Variants in AKR1C3 observed in about 807,000 individuals in gnomAD.
AKR1C3 encodes the protein 3-alpha hydroxysteroid dehydrogenase, type II.
In AKR1C3, 48 loss-of-function variants were observed where a neutral mutation model predicts 43.6. The ratio of observed to expected loss-of-function variants is 1.10; its 90% CI spans 0.87 to 1.40. The LOEUF is 1.40. Among genes scored for constraint, AKR1C3 ranks in the 40% most tolerant of loss-of-function variants. The pLI is 0.00. For missense variants in AKR1C3, 482 were observed against 391.2 expected, an observed-to-expected ratio of 1.23 and a Z score of -1.96; for synonymous variants, 162 against 139.6, an observed-to-expected ratio of 1.16 and a Z score of -1.13.
upstream of AKR1C3, among the ~76,000 whole-genome samples, chr10:5,092,720 A>G (rs1377180464): frequency 6.6e-6 from 1 of 151,858 alleles, no homozygotes; most frequent in Non-Finnish European, 1.5e-5. Context: ...CTATTTCCAT[A>G]TTTTTAATTG....
At chr10:5,092,305 C>T (rs1435444207), upstream of AKR1C3, among the ~76,000 whole-genome samples, 4 of 151,914 alleles carry the variant, frequency 2.6e-5, no homozygotes, top group Admixed American at 2.6e-4. Context: ...TTAAGTTACT[C>T]ACATATTTAG....
intron 1 of AKR1C3, among the ~76,000 whole-genome samples, chr10:5,095,148 G>A (rs1588353224): frequency 6.6e-6 from 1 of 151,976 alleles, no homozygotes; most frequent in Non-Finnish European, 1.5e-5. Context: ...TTTTTTGTAT[G>A]CATCATATTT....
intron 3 of AKR1C3, 31 bp from the exon 4 acceptor site, chr10:5,098,771 G>A (rs1554785528): frequency 6.3e-7 from 1 of 1,589,914 alleles, no homozygotes; most frequent in Non-Finnish European, 8.6e-7. Context: ...ATTAATTTGT[G>A]ACATCATTAA....
At chr10:5,103,027 TTACAGGTGCCTACCACC>T (rs139872147) in intron 7 of AKR1C3, among the ~76,000 whole-genome samples, 4,238 of 151,736 alleles carry the variant, frequency 0.028, 181 homozygotes, top group African/African-American at 0.094. Flanking sequence ...GTAGCTGGGA[TTACAGGTGCCTACCACC>T]AAGCCCGGCT....
chr10:5,106,753 C>CAAAAA (rs782740812), intron 8 of AKR1C3, among the ~76,000 whole-genome samples: 1,441 of 136,112 alleles, frequency 0.011, 24 homozygotes, highest in African/African-American at 0.032. Flanking sequence ...GGCTCCATCT[C>CAAAAA]AAAAAAAAAA....
chr10:5,052,096 G>A (rs1213966800), intron 1 of AKR1C3, among the ~76,000 whole-genome samples: 2 of 152,088 alleles, frequency 1.3e-5, no homozygotes, highest in Admixed American at 6.5e-5. Context: ...TCTGATGTTC[G>A]GACGTATTCG....
At chr10:5,059,836 G>A (rs1259331117) in intron 1 of AKR1C3, among the ~76,000 whole-genome samples, 4 of 152,126 alleles carry the variant, frequency 2.6e-5, no homozygotes, top group East Asian at 1.9e-4. Flanking sequence ...CTTCGTGGTC[G>A]CCAAAATGTG....
Position 5,102,488 on chromosome 10 carries a change from G to A in AKR1C3, c.684G>A (p.Val228=). Residue 228 remains valine (V), a synonymous_variant, in exon 7 of 9, where the codon GTG becomes GTA. Transcript: ENST00000380554. ...ALGSQRDKRW[V]DPNSPVLLED... is the part of the protein sequence containing the mutation. ...GCCTTTCTGCCTTTCCTTCCAGGGT[G>A]GACCCGAACTCCCCGGTGCTCTTGG... 1 of 1,540,964 alleles carries A rather than the reference G, an allele frequency of 6.5e-7. No homozygotes were observed. The highest frequency in any genetic ancestry group is 8.7e-7 in the Non-Finnish European group (1 of 1,148,252).
chr10:5,098,916 CA>C, intron 4 of AKR1C3, 37 bp downstream of exon 4: 1 of 1,514,588 alleles, frequency 6.6e-7, no homozygotes, highest in Non-Finnish European at 9.0e-7. Flanking sequence ...AGAAGGATGA[CA>C]AAAAGAGAAA....
intron 1 of AKR1C3, among the ~76,000 whole-genome samples, chr10:5,077,098 T>C (rs1838731391): frequency 6.6e-6 from 1 of 152,178 alleles, no homozygotes; most frequent in African/African-American, 2.4e-5. Flanking sequence ...AATCTTTTTT[T>C]TTCACTAAAG....
Position 5,070,923 on chromosome 10 carries a change from A to G in AKR1C3, c.84+22028A>G, listed in dbSNP as rs981554543. ...TCATGAACTAAGACAGCCTGTTAGA[A>G]GGAGGCTTAGACTTAACCAGTGTTT... is the stretch of plus-strand genomic sequence containing the variant. On this transcript the variant is annotated intron_variant, in intron 1 of 8. Transcript: ENST00000439082. 1.6e-4 allele frequency among the ~76,000 whole-genome samples: 25 copies of G among 152,332 alleles called. No individual in the cohort carries two copies. The South Asian group carries it at 2.1e-3, about 13-fold the overall frequency.
chr10:5,078,787 G>A (rs1838771518), intron 1 of AKR1C3, among the ~76,000 whole-genome samples: 1 of 152,244 alleles, frequency 6.6e-6, no homozygotes, highest in Non-Finnish European at 1.5e-5. Context: ...AGCATGGTAA[G>A]TTGAAAATAT....
chr10:5,096,297 C>T (rs1332798258), intron 1 of AKR1C3, 113 bp from the exon 2 acceptor site: 9 of 1,307,938 alleles, frequency 6.9e-6, no homozygotes, highest in Non-Finnish European at 8.3e-6. Context: ...GGACTTTTCA[C>T]CCCACATACA....
intron 1 of AKR1C3, among the ~76,000 whole-genome samples, chr10:5,073,090 A>G (rs1336390540): frequency 3.3e-5 from 5 of 152,040 alleles, no homozygotes; most frequent in African/African-American, 7.3e-5. Flanking sequence ...TAGCCTCTCA[A>G]GATGCTGGGA....
At chr10:5,089,549 C>G (rs1385389260), upstream of AKR1C3, among the ~76,000 whole-genome samples, 1 of 152,004 alleles carries the variant, frequency 6.6e-6, no homozygotes, top group East Asian at 1.9e-4. Flanking sequence ...AAGATTTAAA[C>G]TGTATTTTAA....
At chr10:5,084,190 C>G (rs1554782700) in intron 1 of AKR1C3, among the ~76,000 whole-genome samples, 1 of 152,136 alleles carries the variant, frequency 6.6e-6, no homozygotes, top group Non-Finnish European at 1.5e-5. Context: ...AGGTTTTCTT[C>G]TAGGGTTTTT....
intron 7 of AKR1C3, among the ~76,000 whole-genome samples, chr10:5,104,488 G>A (rs375559193): frequency 6.6e-6 from 1 of 152,070 alleles, no homozygotes; most frequent in Non-Finnish European, 1.5e-5. Context: ...TCTAAATAAT[G>A]AAAGGTCTTG....
At chr10:5,097,345 A>G in intron 2 of AKR1C3, 89 bp from the exon 3 acceptor site, 1 of 1,485,716 alleles carries the variant, frequency 6.7e-7, no homozygotes, top group Non-Finnish European at 9.1e-7. Context: ...TTGAAGCAGT[A>G]GGAAAATATC....
rs1839481016 is a variant in AKR1C3, at chr10:5,105,610, T to C, written c.862T>C (p.Leu288=). Residue 288 remains leucine, a synonymous_variant, in exon 8 of 9, where the codon TTG becomes CTG. Coordinates refer to ENST00000380554, the MANE Select transcript of AKR1C3 (RefSeq NM_003739.6). Reference sequence around the variant, plus strand: ...TTTCTGATAGGTTTTTGAGTTCCAGTTGACTGCAGAGGACATGAAAGCCAT... The same window carrying C: ...TTTCTGATAGGTTTTTGAGTTCCAGCTGACTGCAGAGGACATGAAAGCCAT... ...RQNVQVFEFQ[L]TAEDMKAIDG... 1 of 1,613,940 alleles carries C rather than the reference T, an allele frequency of 6.2e-7. No homozygotes were observed.
Sources: gnomAD v4.1 joint callset for allele counts (sites outside exome capture counted in the v4.1 genomes callset) on GRCh38, gnomAD v4.1.1 for gene constraint, MANE v1.5 for transcripts, NCBI Gene and HGNC (gene_info 2026-07-23, HGNC 2026-07-21) for gene names.